Variants in NOC3L observed in about 807,000 individuals in gnomAD.
The protein encoded by NOC3L is nucleolar complex protein 3 homolog.
A neutral mutation model predicts 102.5 loss-of-function variants in NOC3L; 85 were observed. The ratio of observed to expected loss-of-function variants is 0.83; its 90% CI spans 0.70 to 0.99. NOC3L has a LOEUF of 0.99. Among genes scored for constraint, NOC3L ranks in the 50% least tolerant of loss-of-function variants. The pLI is 0.00. For synonymous variants in NOC3L, 303 were observed against 309.4 expected (o/e 0.98, Z 0.22); for missense variants, 878 against 914.9 (o/e 0.96, Z 0.52).
chr10:94,352,968 CAGAG>C lies in NOC3L; in HGVS notation c.782_785del (p.Ser261Ter). On this transcript the variant is annotated frameshift_variant, in exon 7 of 21. Transcript: ENST00000371361. LOFTEE classifies it high-confidence loss of function. ...GAGTAATATCTTTAAATAACTCCATCAGAGAAACAATTACCAGCTTTCGAACAGT... is the reference window on the plus strand; with the variant it reads ...GAGTAATATCTTTAAATAACTCCATCAAACAATTACCAGCTTTCGAACAGT... The C allele has an allele frequency of 6.2e-7, 1 of 1,613,854 alleles. No individual in the cohort carries two copies. The highest frequency in any genetic ancestry group is 8.5e-7 in the Non-Finnish European group (1 of 1,179,756).
At chr10:94,340,520 G>GT in intron 14 of NOC3L, 24 bp from the exon 15 acceptor site, 2 of 936,536 alleles carry the variant, frequency 2.1e-6, no homozygotes, top group Non-Finnish European at 3.2e-6. Context: ...AGGGGGGGGT[G>GT]AGGGGGATGG....
At chr10:94,338,887 T>C in intron 17 of NOC3L, 151 bp from the exon 18 acceptor site, 1 of 570,738 alleles carries the variant, frequency 1.8e-6, no homozygotes, top group South Asian at 7.9e-5. Context: ...AAAAACAATT[T>C]AAGTTTATAT....
chr10:94,352,316 C>T lies in NOC3L; in HGVS notation c.946G>A (p.Val316Ile). 1 of 1,595,366 alleles carries T rather than the reference C, an allele frequency of 6.3e-7. No individual in the cohort carries two copies. The highest frequency in any genetic ancestry group is 1.3e-5 in the African/African-American group (1 of 74,582). The change falls in exon 8 of 21, where the codon GTT (valine) becomes ATT (isoleucine). Residue 316 changes from valine to isoleucine, a missense_variant. Physicochemically the swap from Val to Ile is conservative, Grantham distance 29 (BLOSUM62 3). Coordinates refer to ENST00000371361, the MANE Select transcript of NOC3L (RefSeq NM_022451.11). ...KFYLENLEQM[V>I]KDWKQRKLKK... Reference sequence around the variant, plus strand: ...GAAGATATGTTTAATATACCTTTAACCATTTGTTCCAGATTTTCCAAATAA... The same window carrying T: ...GAAGATATGTTTAATATACCTTTAATCATTTGTTCCAGATTTTCCAAATAA...
intron 3 of NOC3L, chr10:94,357,882 T>C: frequency 1.8e-6 from 1 of 546,820 alleles, no homozygotes. Context: ...CTATTCAGAC[T>C]CAAAAGAAAG....
In NOC3L at chr10:94,362,824, A is replaced by T; in HGVS notation, c.9+6T>A. On this transcript the variant is annotated splice_donor_region_variant and intron_variant, in intron 1 of 20. Coordinates refer to ENST00000371361, the MANE Select transcript of NOC3L (RefSeq NM_022451.11). ...CCGCGGCGACCGGGCTTTTGAGGAC[A>T]CTTACCGCCTTCATCCTTAGGCCTT... 1 of 1,614,068 alleles carries T rather than the reference A, an allele frequency of 6.2e-7. No individual in the cohort carries two copies. The highest frequency in any genetic ancestry group is 1.1e-5 in the South Asian group (1 of 91,090).
intron 9 of NOC3L, 82 bp from the exon 10 acceptor site, chr10:94,349,460 T>C: frequency 1.6e-6 from 2 of 1,279,832 alleles, no homozygotes; most frequent in Non-Finnish European, 1.1e-6. Context: ...TTCTTTGTTG[T>C]AGGGGGACTG....
intron 13 of NOC3L, among the ~76,000 whole-genome samples, chr10:94,344,188 A>C (rs2054317377): frequency 6.6e-6 from 1 of 152,236 alleles, no homozygotes. Flanking sequence ...CCTAGAATTT[A>C]GTAGGCAGAA....
chr10:94,340,190 A>G (rs995148068), intron 16 of NOC3L, 86 bp downstream of exon 16: 33 of 1,129,174 alleles, frequency 2.9e-5, no homozygotes, highest in Non-Finnish European at 4.1e-5. Flanking sequence ...ACCTGTTCCT[A>G]TTTCTCATTT....
chr10:94,346,637 A>C (rs2054347309), intron 10 of NOC3L, 81 bp from the exon 11 acceptor site: 1 of 789,278 alleles, frequency 1.3e-6, no homozygotes, highest in Admixed American at 3.5e-5. Context: ...AGCATTTAAC[A>C]GTGTTATTTC....
intron 16 of NOC3L, 29 bp from the exon 17 acceptor site, chr10:94,339,949 T>C (rs1189322972): frequency 2.5e-6 from 4 of 1,582,228 alleles, no homozygotes; most frequent in East Asian, 2.2e-5. Flanking sequence ...TCTTCAGAGC[T>C]GTTCTCATTA....
At chr10:94,361,488 T>C (rs1454769697) in intron 2 of NOC3L, 177 bp downstream of exon 2, 3 of 598,934 alleles carry the variant, frequency 5.0e-6, no homozygotes, top group Admixed American at 3.1e-5. Context: ...TGTTTTCTCA[T>C]ACTGACTGTG....
intron 18 of NOC3L, among the ~76,000 whole-genome samples, 156 bp downstream of exon 18, chr10:94,338,452 A>G (rs567914103): frequency 6.6e-6 from 1 of 152,260 alleles, no homozygotes; most frequent in Non-Finnish European, 1.5e-5. Flanking sequence ...GTAACAGCAA[A>G]GTAAAATGTA....
At chr10:94,316,161 A>G in the NOC3L span, among the ~76,000 whole-genome samples, 1 of 152,234 alleles carries the variant, frequency 6.6e-6, no homozygotes, top group Admixed American at 6.5e-5. Context: ...ATGACCGAGT[A>G]TTTCCAATGT....
chr10:94,350,042 G>A, intron 9 of NOC3L, 71 bp downstream of exon 9: 2 of 1,471,018 alleles, frequency 1.4e-6, no homozygotes, highest in Non-Finnish European at 1.9e-6. Flanking sequence ...ACAGGTGTGA[G>A]CCACCGTGCC....
the NOC3L span, chr10:94,316,626 A>G: frequency 6.2e-7 from 1 of 1,608,922 alleles, no homozygotes; most frequent in Admixed American, 1.7e-5. Context: ...ATATCTAAAG[A>G]AAAGAATGAA....
intron 18 of NOC3L, among the ~76,000 whole-genome samples, chr10:94,338,084 T>G (rs879728706): frequency 1.3e-5 from 2 of 152,204 alleles, no homozygotes; most frequent in Non-Finnish European, 2.9e-5. Flanking sequence ...ACCAGTGAAG[T>G]AGTTTAGTCT....
chr10:94,338,564 T>C, intron 18 of NOC3L, 44 bp downstream of exon 18: 5 of 1,439,362 alleles, frequency 3.5e-6, no homozygotes, highest in Non-Finnish European at 4.6e-6. Context: ...AAAACAATTA[T>C]TCACAAACAT....
intron 13 of NOC3L, among the ~76,000 whole-genome samples, chr10:94,343,859 T>G (rs547062236): frequency 1.3e-5 from 2 of 152,332 alleles, no homozygotes; most frequent in South Asian, 4.1e-4. Flanking sequence ...AAATTTTAAA[T>G]TATATATGTA....
rs1424297552 is a variant in NOC3L, at chr10:94,340,256, C to T, written c.1780+20G>A. The T allele has an allele frequency of 5.7e-6, 9 of 1,572,544 alleles. No homozygotes were observed. The highest frequency in any genetic ancestry group is 7.8e-6 in the Non-Finnish European group (9 of 1,149,108). ...AAAACATAAATACATATAAAAGAAA[C>T]ATTATCTAAACATACATACCTGCAT... On this transcript the variant is annotated intron_variant, in intron 16 of 20. Transcript: ENST00000371361.
Sources: gnomAD v4.1 joint callset for allele counts (sites outside exome capture counted in the v4.1 genomes callset) on GRCh38, gnomAD v4.1.1 for gene constraint, MANE v1.5 for transcripts, NCBI Gene and HGNC (gene_info 2026-07-23, HGNC 2026-07-21) for gene names.